PDZRN4: variants seen among roughly 807,000 people sequenced by gnomAD.
PDZRN4 encodes the protein PDZ domain-containing RING finger protein 4.
In PDZRN4, 70 loss-of-function variants were observed where a neutral mutation model predicts 99.0. That is an observed-to-expected ratio of 0.71 (90% confidence interval 0.58 to 0.86). PDZRN4 has a LOEUF of 0.86. Among genes scored for constraint, PDZRN4 ranks in the 40% least tolerant of loss-of-function variants. The pLI, the probability that PDZRN4 is intolerant of heterozygous loss-of-function variation, is 0.00. For missense variants in PDZRN4, 1,474 were observed against 1,331.2 expected (o/e 1.11, Z -1.67); for synonymous variants, 551 against 501.6 (o/e 1.10, Z -1.32).
intron 3 of PDZRN4, among the ~76,000 whole-genome samples, chr12:41,386,046 C>A (rs983340546): frequency 1.3e-5 from 2 of 152,108 alleles, no homozygotes; most frequent in Non-Finnish European, 1.5e-5. Flanking sequence ...CTCACATAAA[C>A]AGAACTAAAG....
chr12:41,251,858 G>C (rs1430787494), intron 3 of PDZRN4, among the ~76,000 whole-genome samples: 1 of 152,172 alleles, frequency 6.6e-6, no homozygotes, highest in African/African-American at 2.4e-5. Flanking sequence ...GCTCACGCCT[G>C]TAATCCCAAC....
chr12:41,248,831 C>T (rs1222743695), intron 3 of PDZRN4, among the ~76,000 whole-genome samples: 1 of 152,064 alleles, frequency 6.6e-6, no homozygotes, highest in South Asian at 2.1e-4. Context: ...AACTAAAATA[C>T]AGATTATTTG....
chr12:41,277,319 T>C (rs917921320), intron 3 of PDZRN4, among the ~76,000 whole-genome samples: 3 of 152,156 alleles, frequency 2.0e-5, no homozygotes, highest in Non-Finnish European at 4.4e-5. Context: ...AGTTAATTTA[T>C]AGGGCCAACG....
chr12:41,335,311 A>G (rs2121002889), intron 3 of PDZRN4, among the ~76,000 whole-genome samples: 1 of 151,940 alleles, frequency 6.6e-6, no homozygotes, highest in African/African-American at 2.4e-5. Context: ...CATGTGCACA[A>G]TGTTCAAGTT....
At chr12:41,189,350 C>A (rs913513663) in intron 1 of PDZRN4, among the ~76,000 whole-genome samples, 2 of 152,224 alleles carry the variant, frequency 1.3e-5, no homozygotes, top group East Asian at 3.9e-4. Context: ...TTCTAACTTT[C>A]CCCCGGGAAA....
intron 3 of PDZRN4, among the ~76,000 whole-genome samples, chr12:41,317,052 A>ACATATATATATATATATATATAT (rs1555128882): frequency 2.7e-5 from 3 of 112,666 alleles, no homozygotes; most frequent in Non-Finnish European, 3.5e-5. Flanking sequence ...CATAAAGTAT[A>ACATATATATATATATATATATAT]TATATATATA....
chr12:41,535,239 GTTGT>G (rs1306283820), intron 5 of PDZRN4, among the ~76,000 whole-genome samples: 1 of 152,050 alleles, frequency 6.6e-6, no homozygotes, highest in African/African-American at 2.4e-5. Flanking sequence ...CTCATGATGC[GTTGT>G]TTCTTTGTGT....
chr12:41,240,283 T>C (rs1005998800), intron 3 of PDZRN4, among the ~76,000 whole-genome samples: 11 of 152,208 alleles, frequency 7.2e-5, no homozygotes, highest in African/African-American at 2.7e-4. Context: ...AGATTCTTGA[T>C]ATCTTCATCA....
intron 8 of PDZRN4, among the ~76,000 whole-genome samples, chr12:41,565,934 C>A (rs144840558): frequency 6.6e-6 from 1 of 152,220 alleles, no homozygotes; most frequent in East Asian, 1.9e-4. Flanking sequence ...TCTTTTCCTG[C>A]AGCTCAGCTC....
chr12:41,335,146 A>T (rs1395536341), intron 3 of PDZRN4, among the ~76,000 whole-genome samples: 1 of 151,676 alleles, frequency 6.6e-6, no homozygotes, highest in Non-Finnish European at 1.5e-5. Context: ...TGACAAGGGG[A>T]GATTCATTTA....
intron 3 of PDZRN4, among the ~76,000 whole-genome samples, chr12:41,241,846 A>G: frequency 6.6e-6 from 1 of 152,344 alleles, no homozygotes; most frequent in East Asian, 1.9e-4. Context: ...TCACAACTCC[A>G]TAGTGTTTAG....
intron 5 of PDZRN4, among the ~76,000 whole-genome samples, chr12:41,539,904 G>C (rs1454282631): frequency 1.3e-5 from 2 of 152,120 alleles, no homozygotes; most frequent in Non-Finnish European, 2.9e-5. Context: ...CAGATCAGGA[G>C]ATATTCAGGT....
chr12:41,398,901 A>T (rs1407763226), intron 3 of PDZRN4, among the ~76,000 whole-genome samples: 2 of 151,768 alleles, frequency 1.3e-5, no homozygotes, highest in African/African-American at 2.4e-5. Flanking sequence ...TAGTGCTCTA[A>T]TTCTAAGATT....
intron 3 of PDZRN4, among the ~76,000 whole-genome samples, chr12:41,494,362 C>T (rs531031773): frequency 6.6e-6 from 1 of 152,056 alleles, no homozygotes; most frequent in East Asian, 1.9e-4. Context: ...AGTTTTTTAA[C>T]CTATAGGATG....
intron 3 of PDZRN4, among the ~76,000 whole-genome samples, chr12:41,291,741 A>C (rs1363725724): frequency 6.6e-6 from 1 of 152,124 alleles, no homozygotes; most frequent in African/African-American, 2.4e-5. Context: ...TAAGATTATG[A>C]AGGAAATAAG....
chr12:41,237,164 C>T (rs1951073366), intron 3 of PDZRN4, among the ~76,000 whole-genome samples: 3 of 151,982 alleles, frequency 2.0e-5, no homozygotes, highest in South Asian at 2.1e-4. Flanking sequence ...GATACTGGTG[C>T]CCCCTCATAG....
At chr12:41,263,399 A>G (rs12318064) in intron 3 of PDZRN4, among the ~76,000 whole-genome samples, 8,398 of 151,748 alleles carry the variant, frequency 0.055, 256 homozygotes, top group Non-Finnish European at 0.061. Context: ...CTAAAAATAC[A>G]AAAATTAGCC....
At chr12:41,265,860 G>GA (rs5797719) in intron 3 of PDZRN4, among the ~76,000 whole-genome samples, 20,626 of 151,744 alleles carry the variant, frequency 0.14, 2,176 homozygotes, top group African/African-American at 0.29. Flanking sequence ...AGTTTACATT[G>GA]AAAAAAGAAA....
intron 3 of PDZRN4, among the ~76,000 whole-genome samples, chr12:41,342,682 G>A (rs1434215069): frequency 6.6e-6 from 1 of 151,878 alleles, no homozygotes; most frequent in Non-Finnish European, 1.5e-5. Context: ...TGTTAGAATG[G>A]CTACTATCAA....
Sources: gnomAD v4.1 joint callset for allele counts (sites outside exome capture counted in the v4.1 genomes callset) on GRCh38, gnomAD v4.1.1 for gene constraint, MANE v1.5 for transcripts, NCBI Gene and HGNC (gene_info 2026-07-23, HGNC 2026-07-21) for gene names.